The following BCL9 variants were observed in gnomAD, a reference collection of about 807,000 sequenced individuals.
The protein encoded by BCL9 is B-cell CLL/lymphoma 9 protein.
A neutral mutation model predicts 88.5 loss-of-function variants in BCL9; 25 were observed. The observed-to-expected ratio is 0.28, with a 90% CI of 0.21 to 0.39. The LOEUF is 0.39. Ranked by LOEUF, BCL9 falls within the 10% of genes least tolerant of loss-of-function variation. The pLI, the probability that BCL9 is intolerant of heterozygous loss-of-function variation, is 1.00. For missense variants in BCL9, 1,817 were observed against 1,877.8 expected (o/e 0.97, Z 0.60); for synonymous variants, 711 against 673.3 (o/e 1.06, Z -0.87).
At chr1:147,557,628 A>T (rs587599449) in intron 1 of BCL9, among the ~76,000 whole-genome samples, 2 of 151,968 alleles carry the variant, frequency 1.3e-5, no homozygotes, top group South Asian at 4.2e-4. Context: ...ACTAAAATAT[A>T]CTGAGCAAGC....
chr1:147,611,748 C>A lies in BCL9; in HGVS notation c.-89C>A, dbSNP rs1322830725. On this transcript the variant is annotated 5_prime_UTR_variant, in exon 4 of 10. Transcript: ENST00000234739. ...CACCCAGCAAGCAGTGGGCCAGTGC[C>A]ACTGCCCCCAGCAGCTGTTTCTGCT... The A allele has an allele frequency of 1.5e-6, 2 of 1,333,266 alleles. No homozygotes were observed. The highest frequency in any genetic ancestry group is 1.4e-5 in the African/African-American group (1 of 69,134). The allele number at this position is 1,333,266 out of a possible 1,614,324, so 82.6% of individuals were successfully genotyped here.
chr1:147,573,073 A>G (rs182743933), intron 1 of BCL9, among the ~76,000 whole-genome samples: 7 of 152,322 alleles, frequency 4.6e-5, no homozygotes, highest in Admixed American at 4.6e-4. Flanking sequence ...GGTGTTTTGT[A>G]TTGGGGTGAG....
At chr1:147,594,980 A>G (rs1656985386) in intron 1 of BCL9, among the ~76,000 whole-genome samples, 1 of 152,230 alleles carries the variant, frequency 6.6e-6, no homozygotes, top group South Asian at 2.1e-4. Context: ...AATGGATGGG[A>G]GAAGAGTGAG....
chr1:147,552,971 T>C (rs1282721946), intron 1 of BCL9, among the ~76,000 whole-genome samples: 1 of 54,394 alleles, frequency 1.8e-5, no homozygotes, highest in African/African-American at 1.2e-4. Flanking sequence ...GTTGGGAATT[T>C]CCAATTTTTT....
At chr1:147,594,651 C>A (rs1355626208) in intron 1 of BCL9, among the ~76,000 whole-genome samples, 1 of 152,030 alleles carries the variant, frequency 6.6e-6, no homozygotes, top group Non-Finnish European at 1.5e-5. Flanking sequence ...CTTTAAAGAA[C>A]AACAATTAAG....
intron 1 of BCL9, among the ~76,000 whole-genome samples, chr1:147,577,203 C>A (rs1286323528): frequency 6.6e-6 from 1 of 152,136 alleles, no homozygotes; most frequent in Admixed American, 6.5e-5. Context: ...AGTACACTAG[C>A]CAAGGTCCTC....
chr1:147,616,543 G>A (rs587742151), intron 7 of BCL9, among the ~76,000 whole-genome samples: 4 of 152,182 alleles, frequency 2.6e-5, no homozygotes, highest in East Asian at 3.9e-4. Flanking sequence ...CGAGGCAGGC[G>A]GATCACAAGG....
At chr1:147,555,273 T>TA (rs1655056228) in intron 1 of BCL9, among the ~76,000 whole-genome samples, 1 of 152,156 alleles carries the variant, frequency 6.6e-6, no homozygotes, top group African/African-American at 2.4e-5. Flanking sequence ...TATGTGACTA[T>TA]ACTGATTTCT....
At chr1:147,562,628 A>G (rs1553196253) in intron 1 of BCL9, among the ~76,000 whole-genome samples, 1 of 152,172 alleles carries the variant, frequency 6.6e-6, no homozygotes, top group African/African-American at 2.4e-5. Flanking sequence ...CATAAACACT[A>G]CTGAGGCTGA....
At chr1:147,615,735 T>G in intron 6 of BCL9, 68 bp from the exon 7 acceptor site, 3 of 1,279,826 alleles carry the variant, frequency 2.3e-6, no homozygotes, top group Non-Finnish European at 3.4e-6. Flanking sequence ...GTGGTTAAAG[T>G]GCTTTGGAAT....
chr1:147,624,494 C>T lies in BCL9; in HGVS notation c.3816C>T (p.His1272=). 6.2e-7 allele frequency: 1 copy of T among 1,614,220 alleles called. No homozygotes were observed. ...QPQGPGPGFS[H]MQGMMGEQAP... is the part of the protein sequence containing the mutation. ...AGGGTCCTGGACCTGGGTTTTCACACATGCAGGGGATGATGGGCGAACAAG... is the reference window on the plus strand; with the variant it reads ...AGGGTCCTGGACCTGGGTTTTCACATATGCAGGGGATGATGGGCGAACAAG... The change falls in exon 10 of 10, where the codon CAC becomes CAT. Residue 1272 remains histidine, a synonymous_variant. Transcript: ENST00000234739. This position sits in a 1 kb window ranked among gnomAD's most constrained non-coding sequence, Gnocchi z 4.4.
Position 147,620,083 on chromosome 1 carries a change from T to TC in BCL9, c.1934dup (p.Gly646ArgfsTer29). 6.2e-7 allele frequency: 1 copy of TC among 1,613,950 alleles called. No homozygotes were observed. The highest frequency in any genetic ancestry group is 8.5e-7 in the Non-Finnish European group (1 of 1,180,018). On this transcript the variant is annotated frameshift_variant, in exon 8 of 10. Coordinates refer to ENST00000234739, the MANE Select transcript of BCL9 (RefSeq NM_004326.4). LOFTEE classifies it high-confidence loss of function. ...CAGCTGGCAGAGAAACAGCTGGGTC[T>TC]CCCCCCAGGGATGGCCATGGAAGGC...
intron 1 of BCL9, among the ~76,000 whole-genome samples, chr1:147,574,987 T>C (rs1656045861): frequency 6.6e-6 from 1 of 152,206 alleles, no homozygotes. Context: ...GGGGCCACTT[T>C]GTAACTTTTA....
intron 7 of BCL9, 39 bp downstream of exon 7, chr1:147,615,941 C>G: frequency 6.4e-7 from 1 of 1,551,616 alleles, no homozygotes; most frequent in South Asian, 1.1e-5. Flanking sequence ...TTTAATGATT[C>G]TACAGTGACT....
chr1:147,546,388 T>C (rs1553194261), intron 1 of BCL9, among the ~76,000 whole-genome samples: 1 of 152,054 alleles, frequency 6.6e-6, no homozygotes, highest in East Asian at 1.9e-4. Context: ...TCCCCCCCCT[T>C]TTTTTAAAAC....
At position 147,620,126 on chromosome 1, in the gene BCL9, G is replaced by C. The variant is rs782363194; in HGVS notation, c.1971G>C (p.Glu657Asp). ...MAMEGIRPSM[E>D]MNRMIPGSQR... ...TGGAAGGCATCAGGCCCAGCATGGA[G>C]ATGAACAGGATGATTCCAGGCTCCC... Residue 657 changes from glutamate to aspartate, a missense_variant, in exon 8 of 10, where the codon GAG (glutamate) becomes GAC (aspartate). Glu to Asp is a conservative substitution (Grantham distance 45). Coordinates refer to ENST00000234739, the MANE Select transcript of BCL9 (RefSeq NM_004326.4). The C allele has an allele frequency of 6.8e-6, 11 of 1,614,208 alleles. No individual in the cohort carries two copies. The highest frequency in any genetic ancestry group is 9.3e-6 in the Non-Finnish European group (11 of 1,180,040).
At chr1:147,608,388 T>C (rs1027929989) in intron 3 of BCL9, among the ~76,000 whole-genome samples, 9 of 148,768 alleles carry the variant, frequency 6.0e-5, no homozygotes, top group African/African-American at 1.5e-4. Context: ...GAATGCTGAT[T>C]GGAAAGATCC....
At chr1:147,592,411 T>C (rs1553200013) in intron 1 of BCL9, among the ~76,000 whole-genome samples, 1 of 152,230 alleles carries the variant, frequency 6.6e-6, no homozygotes, top group Non-Finnish European at 1.5e-5. Flanking sequence ...TTCTCCAAGC[T>C]TCAAAATTAG....
intron 1 of BCL9, among the ~76,000 whole-genome samples, chr1:147,544,218 C>G (rs1169311223): frequency 2.6e-5 from 4 of 152,058 alleles, no homozygotes; most frequent in African/African-American, 7.2e-5. Context: ...GAATAGCATG[C>G]AAGTATTATG....
Sources: gnomAD v4.1 joint callset for allele counts (sites outside exome capture counted in the v4.1 genomes callset) on GRCh38, gnomAD v4.1.1 for gene constraint, Gnocchi (gnomAD v3.1) non-coding constraint, MANE v1.5 for transcripts, NCBI Gene and HGNC (gene_info 2026-07-23, HGNC 2026-07-21) for gene names.